The following SRGAP3 variants were observed in gnomAD, a reference collection of about 807,000 sequenced individuals.
The protein encoded by SRGAP3 is SLIT-ROBO Rho GTPase-activating protein 3.
A neutral mutation model predicts 121.1 loss-of-function variants in SRGAP3; 39 were observed. The ratio of observed to expected loss-of-function variants is 0.32; its 90% CI spans 0.25 to 0.42. SRGAP3 has a LOEUF of 0.42. Among genes scored for constraint, SRGAP3 ranks in the 10% least tolerant of loss-of-function variants. The probability of loss-of-function intolerance (pLI) is 1.00; values close to 1 mark genes in which losing one functional copy is unlikely to be tolerated. For synonymous variants in SRGAP3, 601 were observed against 570.0 expected (o/e 1.05, Z -0.77); for missense variants, 1,213 against 1,470.6 (o/e 0.82, Z 2.86).
chr3:9,053,165 G>C lies in SRGAP3; in HGVS notation c.1185C>G (p.Asp395Glu), dbSNP rs372978111. Residue 395 changes from aspartate (D) to glutamate (E), a missense_variant, in exon 9 of 22, where the codon GAC (aspartate) becomes GAG (glutamate). Coordinates refer to ENST00000383836, the MANE Select transcript of SRGAP3 (RefSeq NM_014850.4). The part of the protein sequence containing the change: ...QTLQDMLTVE[D>E]FDVSDAFQHS... ...GTTGGAAGGCATCGGAGACATCAAA[G>C]TCCTCCACAGTCAGCATGTCCTGTA... The C allele has an allele frequency of 6.2e-7, 1 of 1,614,212 alleles. No homozygotes were observed. Among genetic ancestry groups the C allele is most frequent in the Non-Finnish European group, 8.5e-7 (1 of 1,180,032 alleles).
chr3:9,337,411 C>G (rs1403807431), intron 1 of SRGAP3, among the ~76,000 whole-genome samples: 1 of 152,080 alleles, frequency 6.6e-6, no homozygotes, highest in East Asian at 1.9e-4. Flanking sequence ...TCAAATGTCC[C>G]CTCCAAAAGT....
intron 1 of SRGAP3, among the ~76,000 whole-genome samples, chr3:9,358,133 C>A (rs1289872737): frequency 3.3e-5 from 5 of 152,110 alleles, no homozygotes; most frequent in Non-Finnish European, 7.4e-5. Context: ...TTCAGTGTTT[C>A]TTAGTATATT....
chr3:9,143,613 T>A (rs1230894245), intron 1 of SRGAP3, among the ~76,000 whole-genome samples: 1 of 152,216 alleles, frequency 6.6e-6, no homozygotes, highest in African/African-American at 2.4e-5. Flanking sequence ...ATGCCAGTGA[T>A]GCTGATTCCT....
intron 1 of SRGAP3, chr3:9,350,037 T>C (rs1205235732): frequency 6.6e-6 from 1 of 152,238 alleles, no homozygotes; most frequent in East Asian, 1.9e-4. Context: ...ACTAAATCCT[T>C]TTTCCTGATC....
chr3:9,115,323 G>C (rs977509034), intron 2 of SRGAP3, among the ~76,000 whole-genome samples: 6 of 152,168 alleles, frequency 3.9e-5, no homozygotes, highest in Non-Finnish European at 8.8e-5. Context: ...TTGCCTAATA[G>C]AATAGCATCA....
At chr3:9,258,797 T>C (rs2648514) in intron 3 of SRGAP3, among the ~76,000 whole-genome samples, 103,910 of 152,036 alleles carry the variant, frequency 0.68, 36,422 homozygotes, top group Non-Finnish European at 0.75. Flanking sequence ...AAGGCCTCAA[T>C]TTCTCCCACC....
chr3:9,268,296 G>GAC (rs1954404008), intron 3 of SRGAP3, among the ~76,000 whole-genome samples: 1 of 147,572 alleles, frequency 6.8e-6, no homozygotes. Flanking sequence ...AGAGAGAAGA[G>GAC]TCTCTCTCTC....
chr3:9,313,506 T>C (rs1203678323), intron 3 of SRGAP3, among the ~76,000 whole-genome samples: 7 of 137,040 alleles, frequency 5.1e-5, no homozygotes, highest in Admixed American at 1.4e-4. Context: ...CTGGCCAACA[T>C]AGCGAAACTC....
chr3:9,350,531 G>C (rs1030930436), intron 1 of SRGAP3, among the ~76,000 whole-genome samples: 3 of 152,200 alleles, frequency 2.0e-5, no homozygotes, highest in African/African-American at 7.2e-5. Context: ...ATGGCTAGGA[G>C]GGTCCCAGTA....
chr3:8,986,713 T>C (rs902605946), intron 21 of SRGAP3, among the ~76,000 whole-genome samples: 2 of 150,704 alleles, frequency 1.3e-5, no homozygotes, highest in Non-Finnish European at 2.9e-5. Flanking sequence ...TACTCTCTTC[T>C]CTGTATTATA....
At chr3:9,255,864 C>G (rs1574946851) in intron 3 of SRGAP3, among the ~76,000 whole-genome samples, 1 of 152,178 alleles carries the variant, frequency 6.6e-6, no homozygotes, top group Non-Finnish European at 1.5e-5. Flanking sequence ...GATCCTCACA[C>G]AGTCCTTTGA....
At chr3:9,185,478 G>T (rs553816322) in intron 1 of SRGAP3, among the ~76,000 whole-genome samples, 4 of 149,714 alleles carry the variant, frequency 2.7e-5, no homozygotes, top group Non-Finnish European at 4.5e-5. Context: ...TTGTTGGGGT[G>T]GGGGGGCACT....
intron 3 of SRGAP3, chr3:9,081,218 C>A (rs1560101354): frequency 2.2e-6 from 1 of 456,594 alleles, no homozygotes; most frequent in Non-Finnish European, 4.4e-6. Flanking sequence ...TCAGCCCTCC[C>A]CAGTGCTGGT....
At chr3:9,319,209 CT>C (rs964308192) in intron 3 of SRGAP3, among the ~76,000 whole-genome samples, 9 of 151,866 alleles carry the variant, frequency 5.9e-5, no homozygotes, top group African/African-American at 2.2e-4. Context: ...ATTAAAAAGC[CT>C]TGCCTAAAGT....
At chr3:9,046,848 G>A (rs1178633047) in intron 10 of SRGAP3, among the ~76,000 whole-genome samples, 1 of 118,520 alleles carries the variant, frequency 8.4e-6, no homozygotes, top group Non-Finnish European at 1.9e-5. Flanking sequence ...TTTTTTTTTT[G>A]GAGATGGAGT....
At chr3:9,226,370 T>C (rs1232685545) in intron 1 of SRGAP3, among the ~76,000 whole-genome samples, 1 of 152,108 alleles carries the variant, frequency 6.6e-6, no homozygotes, top group Non-Finnish European at 1.5e-5. Context: ...CTAGAACAAA[T>C]CTCCCTCTGA....
chr3:9,361,888 C>T (rs558394381), intron 1 of SRGAP3, among the ~76,000 whole-genome samples: 12 of 152,212 alleles, frequency 7.9e-5, no homozygotes, highest in Admixed American at 3.3e-4. Context: ...TGAAGTCAAG[C>T]GGTAGAAAAC....
At chr3:9,138,338 T>A (rs1048241236) in intron 1 of SRGAP3, among the ~76,000 whole-genome samples, 1 of 152,144 alleles carries the variant, frequency 6.6e-6, no homozygotes, top group Non-Finnish European at 1.5e-5. Context: ...ATAAACACAA[T>A]GAACACAAAA....
At chr3:9,254,576 T>C (rs973129715), upstream of SRGAP3, among the ~76,000 whole-genome samples, 8 of 152,068 alleles carry the variant, frequency 5.3e-5, no homozygotes, top group Admixed American at 5.2e-4. Context: ...GGAGGATCGC[T>C]TGAGCTCAGG....
Sources: gnomAD v4.1 joint callset for allele counts (sites outside exome capture counted in the v4.1 genomes callset) on GRCh38, gnomAD v4.1.1 for gene constraint, MANE v1.5 for transcripts, NCBI Gene and HGNC (gene_info 2026-07-23, HGNC 2026-07-21) for gene names.